Variants in GOLGB1 observed in about 807,000 individuals in gnomAD.
GOLGB1 encodes golgin subfamily B member 1.
Under a neutral mutation model 336.9 loss-of-function variants are expected in GOLGB1, and 174 were observed. The observed-to-expected ratio is 0.52, with a 90% confidence interval of 0.46 to 0.59. The LOEUF is 0.59. Ranked by LOEUF, GOLGB1 falls within the 20% of genes least tolerant of loss-of-function variation. The pLI is 0.00. For synonymous variants in GOLGB1, 1,208 were observed against 1,289.2 expected, an observed-to-expected ratio of 0.94 and a Z score of 1.35; for missense variants, 3,331 against 3,645.3, an observed-to-expected ratio of 0.91 and a Z score of 2.22.
At position 121,714,908 on chromosome 3, in the gene GOLGB1, T is replaced by G. The variant is rs765319700; in HGVS notation, c.1357A>C (p.Thr453Pro). 1 of 1,613,270 alleles carries G rather than the reference T, an allele frequency of 6.2e-7. No individual in the cohort carries two copies. Residue 453 changes from threonine to proline, a missense_variant, in exon 10 of 22, where the codon ACA (threonine) becomes CCA (proline). Thr to Pro is a conservative substitution (Grantham distance 38). Coordinates refer to ENST00000614479, the MANE Select transcript of GOLGB1 (RefSeq NM_001366282.2). ...LNRLPLQQHE[T>P]ASQTSFPDVY... ...TCTGGGAAAGAAGTCTGAGATGCTG[T>G]TTCATGTTGTTGCAAGGGCAGTCTA...
rs2107852014 is a variant in GOLGB1, at chr3:121,697,115, A to G, written c.3408T>C (p.Asp1136=). The G allele has an allele frequency of 6.2e-7, 1 of 1,614,108 alleles. No individual in the cohort carries two copies. The highest frequency in any genetic ancestry group is 1.6e-4 in the Middle Eastern group (1 of 6,062). Residue 1136 remains aspartate, a synonymous_variant, in exon 13 of 22, where the codon GAT becomes GAC. Coordinates refer to ENST00000614479, the MANE Select transcript of GOLGB1 (RefSeq NM_001366282.2). ...GTGCTACGGAGTCCCCATCACTTGC[A>G]TCCGTGTTACTTGTGATTAACTTCT... is the stretch of plus-strand genomic sequence containing the variant. The part of the protein sequence containing the change: ...IIQKLITSNT[D]ASDGDSVALV...
At chr3:121,689,664 A>C (rs1458923366) in intron 14 of GOLGB1, among the ~76,000 whole-genome samples, 4 of 152,090 alleles carry the variant, frequency 2.6e-5, no homozygotes, top group African/African-American at 9.7e-5. Context: ...AAAAAAAAAA[A>C]AATTAGAATT....
In GOLGB1 at chr3:121,697,281, A is replaced by T. The variant is rs185900006; in HGVS notation, c.3242T>A (p.Ile1081Lys). ...CAGCTTTTCTTCCAAATCCTTCCTT[A>T]TATGCTGTAGTTCCACTTCTTTCTC... is the stretch of plus-strand genomic sequence containing the variant. ...ISEKEVELQH[I>K]RKDLEEKLAA... Residue 1081 changes from isoleucine to lysine, a missense_variant, in exon 13 of 22, where the codon ATA becomes AAA. By Grantham distance (102) the Ile-to-Lys change is moderately radical. Transcript: ENST00000614479. 7.4e-6 allele frequency: 12 copies of T among 1,613,914 alleles called. No individual in the cohort carries two copies. The Admixed American group carries it at 1.8e-4, about 25-fold the overall frequency.
intron 21 of GOLGB1, 23 bp from the exon 22 acceptor site, chr3:121,664,637 A>G: frequency 6.2e-7 from 1 of 1,612,142 alleles, no homozygotes; most frequent in Non-Finnish European, 8.5e-7. Context: ...TGTGAAAGTC[A>G]GAGAGTTTTC....
chr3:121,739,130 T>C (rs1349689247), intron 1 of GOLGB1, among the ~76,000 whole-genome samples: 1 of 151,990 alleles, frequency 6.6e-6, no homozygotes, highest in East Asian at 1.9e-4. Context: ...CCAGGCATGG[T>C]GGCACATGCA....
rs970330255 is a variant in GOLGB1, at chr3:121,663,796, A to G, written c.*684T>C. ...GACTTGGGCCACTTAATACCTTAGT[A>G]TACATGTGATCAAGGGCAAAAGCAA... On this transcript the variant is annotated 3_prime_UTR_variant, in exon 22 of 22. Coordinates refer to ENST00000614479, the MANE Select transcript of GOLGB1 (RefSeq NM_001366282.2). 1 of 152,722 alleles carries G rather than the reference A, an allele frequency of 6.5e-6. No homozygotes were observed. Among genetic ancestry groups the G allele is most frequent in the African/African-American group, 2.4e-5 (1 of 41,468 alleles). 9.5% of individuals were successfully genotyped at this position (152,722 alleles called of 1,614,324 possible).
In GOLGB1 at chr3:121,698,401, C is replaced by T. The variant is rs767031010; in HGVS notation, c.2122G>A (p.Ala708Thr). ...AAATTTTTCTCATAGATTTCTTGTG[C>T]TTTATGAAAGTTTAGCTCGAGCTCC... ...ILELELNFHKAQEIYEKNLDE... is the reference protein window; with the variant it reads ...ILELELNFHKTQEIYEKNLDE... The change falls in exon 13 of 22, where the codon GCA becomes ACA. Residue 708 changes from alanine (A) to threonine (T), a missense_variant. Transcript: ENST00000614479. 10 of 1,613,786 alleles carry T rather than the reference C, an allele frequency of 6.2e-6. No individual in the cohort carries two copies. In the East Asian group the frequency reaches 1.1e-4, roughly 18 times the overall value.
At chr3:121,676,757 G>A (rs1218612426) in intron 17 of GOLGB1, 136 bp downstream of exon 17, 9 of 738,730 alleles carry the variant, frequency 1.2e-5, no homozygotes, top group Non-Finnish European at 1.8e-5. Context: ...AAGCACCCAG[G>A]TTCTGAGAAA....
chr3:121,692,254 G>T lies in GOLGB1; in HGVS notation c.7110C>A (p.Ala2370=). The T allele has an allele frequency of 6.2e-7, 1 of 1,605,510 alleles. No individual in the cohort carries two copies. The highest frequency in any genetic ancestry group is 8.5e-7 in the Non-Finnish European group (1 of 1,177,698). The part of the protein sequence containing the change: ...SYEQLETDLQ[A]SRELTSRLHE... ...GCAGCCTACTGGTCAGTTCTCTGGAGGCCTGAAGATCAGTCTCCAGTTGTT... is the reference window on the plus strand; with the variant it reads ...GCAGCCTACTGGTCAGTTCTCTGGATGCCTGAAGATCAGTCTCCAGTTGTT... Residue 2370 remains alanine (A), a synonymous_variant, in exon 14 of 22, where the codon GCC becomes GCA. Coordinates refer to ENST00000614479, the MANE Select transcript of GOLGB1 (RefSeq NM_001366282.2).
chr3:121,666,899 A>G (rs1371304517), intron 20 of GOLGB1, among the ~76,000 whole-genome samples: 1 of 152,210 alleles, frequency 6.6e-6, no homozygotes, highest in Non-Finnish European at 1.5e-5. Context: ...CACTTGGAGC[A>G]AACTGCTCAT....
At chr3:121,739,543 T>C (rs1355562542) in intron 1 of GOLGB1, among the ~76,000 whole-genome samples, 2 of 151,768 alleles carry the variant, frequency 1.3e-5, no homozygotes, top group African/African-American at 4.8e-5. Flanking sequence ...TAAAAAATCA[T>C]TTTGGAAATG....
rs570635997 is a variant in GOLGB1, at chr3:121,686,959, C to T, written c.8694+3711G>A. Among the ~76,000 whole-genome samples, 17 of 152,174 alleles carry T rather than the reference C, an allele frequency of 1.1e-4. No individual in the cohort carries two copies. The South Asian group carries it at 3.5e-3, about 32-fold the overall frequency. Reference sequence around the variant, plus strand: ...ATGAGTAGGGAGCAGTAAAAGGGAACGCTGGAAAGGTATGGATAAATTACA... The same window carrying T: ...ATGAGTAGGGAGCAGTAAAAGGGAATGCTGGAAAGGTATGGATAAATTACA... On this transcript the variant is annotated intron_variant, in intron 14 of 21. Coordinates refer to ENST00000614479, the MANE Select transcript of GOLGB1 (RefSeq NM_001366282.2).
At position 121,724,353 on chromosome 3, in the gene GOLGB1, CTAGAG is replaced by C. The variant is rs1460240846; in HGVS notation, c.532-1980_532-1976del. Reference sequence around the variant, plus strand: ...GAAATGAGGAACAAAGTATCAGAAACTAGAGTAAAGCCCAGCCTTGCTATAAATTA... The same window carrying C: ...GAAATGAGGAACAAAGTATCAGAAACTAAAGCCCAGCCTTGCTATAAATTA... On this transcript the variant is annotated intron_variant, in intron 5 of 21. Transcript: ENST00000614479. Among the ~76,000 whole-genome samples, 8 of 152,252 alleles carry C rather than the reference CTAGAG, an allele frequency of 5.3e-5. No individual in the cohort carries two copies. In the East Asian group the frequency reaches 1.5e-3, roughly 29 times the overall value.
At position 121,681,830 on chromosome 3, in the gene GOLGB1, T is replaced by G; in HGVS notation, c.8730A>C (p.Leu2910Phe). 1 of 1,606,464 alleles carries G rather than the reference T, an allele frequency of 6.2e-7. No homozygotes were observed. Among genetic ancestry groups the G allele is most frequent in the Non-Finnish European group, 8.5e-7 (1 of 1,173,942 alleles). The change falls in exon 15 of 22, where the codon TTA becomes TTC. Residue 2910 changes from leucine to phenylalanine, a missense_variant. Coordinates refer to ENST00000614479, the MANE Select transcript of GOLGB1 (RefSeq NM_001366282.2). ...ACTCAGTGATCTCTTGATTAATCTG[T>G]AAGTATTGCTGCTGCAGATTCTTCA... Reference protein sequence around the residue: ...KELKNLQQQYLQINQEITELH... With the variant: ...KELKNLQQQYFQINQEITELH...
chr3:121,712,668 C>G (rs1944441871), intron 10 of GOLGB1, among the ~76,000 whole-genome samples: 1 of 152,142 alleles, frequency 6.6e-6, no homozygotes, highest in South Asian at 2.1e-4. Flanking sequence ...ACTTCACCAA[C>G]AGAAGGTGTA....
chr3:121,745,533 T>A (rs1400854629), intron 1 of GOLGB1, among the ~76,000 whole-genome samples: 1 of 150,614 alleles, frequency 6.6e-6, no homozygotes, highest in Non-Finnish European at 1.5e-5. Flanking sequence ...TGTATACGTG[T>A]ATGTATATAT....
At chr3:121,685,531 TTCTA>T (rs1239735589) in intron 14 of GOLGB1, among the ~76,000 whole-genome samples, 1 of 135,288 alleles carries the variant, frequency 7.4e-6, no homozygotes, top group African/African-American at 2.9e-5. Flanking sequence ...GAGACTCTGT[TTCTA>T]AATAAATAAA....
Position 121,691,371 on chromosome 3 carries a change from C to T in GOLGB1, c.7993G>A (p.Glu2665Lys), listed in dbSNP as rs1392114489. ...TCCTTTTGAACACAAACCAATTCTT[C>T]TTCCAGTTCTGCAATTCTCTTTTGA... ...SSQKRIAELE[E>K]ELVCVQKEAA... is the part of the protein sequence containing the mutation. Residue 2665 changes from glutamate to lysine, a missense_variant, in exon 14 of 22, where the codon GAA becomes AAA. By Grantham distance (56) the Glu-to-Lys change is moderately conservative. Coordinates refer to ENST00000614479, the MANE Select transcript of GOLGB1 (RefSeq NM_001366282.2). 6.2e-7 allele frequency: 1 copy of T among 1,613,042 alleles called. No individual in the cohort carries two copies. Among genetic ancestry groups the T allele is most frequent in the Admixed American group, 1.7e-5 (1 of 59,828 alleles).
intron 5 of GOLGB1, 24 bp downstream of exon 5, chr3:121,726,888 AT>A: frequency 2.6e-6 from 4 of 1,544,686 alleles, no homozygotes; most frequent in Non-Finnish European, 3.5e-6. Context: ...TAACCTAATG[AT>A]TATGAAGTAA....
Sources: gnomAD v4.1 joint callset for allele counts (sites outside exome capture counted in the v4.1 genomes callset) on GRCh38, gnomAD v4.1.1 for gene constraint, MANE v1.5 for transcripts, NCBI Gene and HGNC (gene_info 2026-07-23, HGNC 2026-07-21) for gene names.